GFPT2: variants seen among roughly 807,000 people sequenced by gnomAD.
GFPT2 encodes glutamine--fructose-6-phosphate transaminase 2.
In GFPT2, 62 loss-of-function variants were observed where a neutral mutation model predicts 85.6. The observed-to-expected ratio is 0.72, with a 90% CI of 0.59 to 0.90. The LOEUF (loss-of-function observed/expected upper bound fraction) is 0.90. Among genes scored for constraint, GFPT2 ranks in the 40% least tolerant of loss-of-function variants. The pLI, the probability that GFPT2 is intolerant of heterozygous loss-of-function variation, is 0.00. For synonymous variants in GFPT2, 368 were observed against 344.5 expected (o/e 1.07, Z -0.75); for missense variants, 788 against 893.4 (o/e 0.88, Z 1.50).
At chr5:180,303,690 G>T (rs1444209456) in intron 17 of GFPT2, among the ~76,000 whole-genome samples, 1 of 152,348 alleles carries the variant, frequency 6.6e-6, no homozygotes, top group East Asian at 1.9e-4. Flanking sequence ...GAAACTTCAT[G>T]AACTCTGCCC....
At position 180,330,603 on chromosome 5, in the gene GFPT2, T is replaced by TA. The variant is rs1230771994; in HGVS notation, c.534+96dup. 3.9e-6 allele frequency: 4 copies of TA among 1,035,596 alleles called. No individual in the cohort carries two copies. Among genetic ancestry groups the TA allele is most frequent in the Non-Finnish European group, 4.4e-6 (3 of 683,194 alleles). 64.2% of individuals were successfully genotyped at this position (1,035,596 alleles called of 1,614,324 possible). On this transcript the variant is annotated intron_variant, in intron 6 of 18. Coordinates refer to ENST00000253778, the MANE Select transcript of GFPT2 (RefSeq NM_005110.4). This position sits in a 1 kb window ranked among gnomAD's most constrained non-coding sequence, Gnocchi z 4.4. ...TGCAAGTTTGTCTAACAAGGGCTTA[T>TA]AAAAAATGAAGGATTCCTTGGCACT... is the stretch of plus-strand genomic sequence containing the variant.
At chr5:180,313,095 G>A (rs1763927093) in intron 14 of GFPT2, among the ~76,000 whole-genome samples, 1 of 151,448 alleles carries the variant, frequency 6.6e-6, no homozygotes, top group Non-Finnish European at 1.5e-5. Context: ...ATTTTTGAAG[G>A]GACGGGGTTG....
Position 180,301,482 on chromosome 5 carries a change from C to T in GFPT2, c.*82G>A. The T allele has an allele frequency of 8.5e-7, 1 of 1,182,994 alleles. No homozygotes were observed. Among genetic ancestry groups the T allele is most frequent in the Non-Finnish European group, 1.3e-6 (1 of 787,254 alleles). 73.3% of individuals were successfully genotyped at this position (1,182,994 alleles called of 1,614,324 possible). On this transcript the variant is annotated 3_prime_UTR_variant, in exon 19 of 19. Transcript: ENST00000253778. ...CGCAGAACATGTGGGATGTCCACTTCTCTTCCCATGTAGCATCCCTGCTGT... is the reference window on the plus strand; with the variant it reads ...CGCAGAACATGTGGGATGTCCACTTTTCTTCCCATGTAGCATCCCTGCTGT...
chr5:180,308,989 C>A (rs550795865), intron 15 of GFPT2, among the ~76,000 whole-genome samples: 3 of 152,000 alleles, frequency 2.0e-5, no homozygotes, highest in Non-Finnish European at 4.4e-5. Flanking sequence ...CCTGCCTCAG[C>A]CTCCTGAGTA....
chr5:180,344,554 T>C (rs6866561), intron 1 of GFPT2, among the ~76,000 whole-genome samples: 1 of 152,202 alleles, frequency 6.6e-6, no homozygotes, highest in Admixed American at 6.5e-5. Flanking sequence ...ACCTGCCTGG[T>C]TCACCTGGAT....
rs189934954 is a variant in GFPT2, at chr5:180,342,654, C to T, written c.8-4054G>A. Among the ~76,000 whole-genome samples the T allele has an allele frequency of 4.2e-3, 638 of 152,168 alleles. 2 individuals are homozygous for T. Among genetic ancestry groups the T allele is most frequent in the South Asian group, 0.014 (68 of 4,824 alleles). On this transcript the variant is annotated intron_variant, in intron 1 of 18. Coordinates refer to ENST00000253778, the MANE Select transcript of GFPT2 (RefSeq NM_005110.4). ...CAGTGGCTCACGCCTGTAATCCTAG[C>T]GCTTTGGGAGGCCAAGCTGGACAGA...
intron 9 of GFPT2, among the ~76,000 whole-genome samples, chr5:180,321,779 TTTGTTTTG>T (rs1184425716): frequency 6.6e-6 from 1 of 152,002 alleles, no homozygotes; most frequent in African/African-American, 2.4e-5. Flanking sequence ...TTTGTTTTGT[TTTGTTTTG>T]TTTTGTTTTG....
Position 180,304,848 on chromosome 5 carries a change from G to A in GFPT2, c.1766C>T (p.Pro589Leu), listed in dbSNP as rs766235324. 3 of 1,613,688 alleles carry A rather than the reference G, an allele frequency of 1.9e-6. No individual in the cohort carries two copies. Among genetic ancestry groups the A allele is most frequent in the Non-Finnish European group, 2.5e-6 (3 of 1,179,556 alleles). The stretch of plus-strand genomic sequence containing the variant: ...ATCCTTCATAATGACCATGATGACG[G>A]GCATCTGCTTGTCAATCAGTGCCAG... The part of the protein sequence containing the change: ...GPLALIDKQM[P>L]VIMVIMKDPC... Residue 589 changes from proline (P) to leucine (L), a missense_variant, in exon 17 of 19, where the codon CCC (proline) becomes CTC (leucine). Coordinates refer to ENST00000253778, the MANE Select transcript of GFPT2 (RefSeq NM_005110.4).
chr5:180,353,321 TCCGCG>T lies in GFPT2; in HGVS notation c.-109_-105del. On this transcript the variant is annotated 5_prime_UTR_variant, in exon 1 of 19. Transcript: ENST00000253778. ...CGTGGGCTCCGTGGGCTCCGTGGGC[TCCGCG>T]GGCTCCAGCTCCCGTCCGCTCGGCC... 2.3e-6 allele frequency: 2 copies of T among 867,266 alleles called. No individual in the cohort carries two copies. Among genetic ancestry groups the T allele is most frequent in the Non-Finnish European group, 3.0e-6 (2 of 672,658 alleles). The allele number at this position is 867,266 out of a possible 1,614,324, so 53.7% of individuals were successfully genotyped here. A position where few individuals can be genotyped will look rare whatever the true frequency, so the allele number is the denominator to read the frequency against.
Position 180,321,822 on chromosome 5 carries a change from T to C in GFPT2, c.794+2366A>G, listed in dbSNP as rs59265858. 5.3e-3 allele frequency among the ~76,000 whole-genome samples: 806 copies of C among 152,308 alleles called. 5 individuals are homozygous for C. The highest frequency in any genetic ancestry group is 0.017 in the African/African-American group (707 of 41,566). On this transcript the variant is annotated intron_variant, in intron 9 of 18. Coordinates refer to ENST00000253778, the MANE Select transcript of GFPT2 (RefSeq NM_005110.4). ...GTTTTGAGACGGAGTCTCGCTCTGT[T>C]GCCCAGGCTGGAGTGCAGTGGCGCG...
chr5:180,331,830 C>T lies in GFPT2; in HGVS notation c.341-277G>A, dbSNP rs1351321858. ...AGTGACCAGCAGCCACCAGCCTGACCGTGCAGAGAGCTCTCCCCTGTGCGC... is the reference window on the plus strand; with the variant it reads ...AGTGACCAGCAGCCACCAGCCTGACTGTGCAGAGAGCTCTCCCCTGTGCGC... On this transcript the variant is annotated intron_variant, in intron 4 of 18. Coordinates refer to ENST00000253778, the MANE Select transcript of GFPT2 (RefSeq NM_005110.4). Among the ~76,000 whole-genome samples the T allele has an allele frequency of 7.9e-5, 12 of 152,254 alleles. No homozygotes were observed. In the South Asian group the frequency reaches 1.7e-3, roughly 21 times the overall value.
intron 15 of GFPT2, among the ~76,000 whole-genome samples, chr5:180,310,852 AAAAAAAAAAAAAT>A: frequency 6.6e-6 from 1 of 151,290 alleles, no homozygotes; most frequent in African/African-American, 2.4e-5. Flanking sequence ...AAAAAAAAAA[AAAAAAAAAAAAAT>A]TTTTAGTATA....
In GFPT2 at chr5:180,316,776, G is replaced by T; in HGVS notation, c.1140C>A (p.His380Gln). ...LIVIGCGTSY[H>Q]AAVATRQVLE... ...GTGTCACACTTACAGCCACGGCAGC[G>T]TGGTAGCTGGTTCCACAGCCAATCA... is the stretch of plus-strand genomic sequence containing the variant. Residue 380 changes from histidine (H) to glutamine (Q), a missense_variant, in exon 12 of 19, where the codon CAC becomes CAA. Coordinates refer to ENST00000253778, the MANE Select transcript of GFPT2 (RefSeq NM_005110.4). 1.2e-6 allele frequency: 2 copies of T among 1,612,058 alleles called. No homozygotes were observed. The highest frequency in any genetic ancestry group is 1.7e-6 in the Non-Finnish European group (2 of 1,178,180).
chr5:180,316,948 G>T lies in GFPT2; in HGVS notation c.1054+15C>A, dbSNP rs76838125. ...TAGGCTCGGGCGGAGGCTCCCCACCGAGTGTAGGAATTACCTGTGTTGGTT... is the reference window on the plus strand; with the variant it reads ...TAGGCTCGGGCGGAGGCTCCCCACCTAGTGTAGGAATTACCTGTGTTGGTT... On this transcript the variant is annotated intron_variant, in intron 11 of 18. Transcript: ENST00000253778. 2.5e-6 allele frequency: 4 copies of T among 1,570,022 alleles called. No individual in the cohort carries two copies. The highest frequency in any genetic ancestry group is 3.5e-6 in the Non-Finnish European group (4 of 1,139,870).
rs1763666704 is a variant in GFPT2, at chr5:180,301,232, T to C, written c.*332A>G. 1 of 368,516 alleles carries C rather than the reference T, an allele frequency of 2.7e-6. No individual in the cohort carries two copies. The highest frequency in any genetic ancestry group is 4.9e-6 in the Non-Finnish European group (1 of 205,162). The allele number at this position is 368,516 out of a possible 1,614,324, so 22.8% of individuals were successfully genotyped here. ...TATACAGTCGTCATTATAAATATCT[T>C]GTCTTTTAAAACTAACTCTAGTGTT... On this transcript the variant is annotated 3_prime_UTR_variant, in exon 19 of 19. Coordinates refer to ENST00000253778, the MANE Select transcript of GFPT2 (RefSeq NM_005110.4).
Position 180,304,797 on chromosome 5 carries a change from G to T in GFPT2, c.1817C>A (p.Ala606Asp). ...KDPCFAKCQNALQQVTARQGR... is the reference protein window; with the variant it reads ...KDPCFAKCQNDLQQVTARQGR... ...CTGGCGGGCCGTGACTTGCTGCAGG[G>T]CGTTCTGGCATTTGGCGAAGCAAGG... The change falls in exon 17 of 19, where the codon GCC becomes GAC. Residue 606 changes from alanine (A) to aspartate (D), a missense_variant. Ala to Asp is a moderately radical substitution (Grantham distance 126). Transcript: ENST00000253778. 2 of 1,613,804 alleles carry T rather than the reference G, an allele frequency of 1.2e-6. No individual in the cohort carries two copies. The highest frequency in any genetic ancestry group is 2.2e-5 in the South Asian group (2 of 91,072).
chr5:180,336,535 T>A lies in GFPT2; in HGVS notation c.158A>T (p.His53Leu). 5.6e-6 allele frequency: 9 copies of A among 1,612,244 alleles called. No homozygotes were observed. The highest frequency in any genetic ancestry group is 7.6e-6 in the Non-Finnish European group (9 of 1,178,248). The change falls in exon 3 of 19, where the codon CAC becomes CTC. Residue 53 changes from histidine to leucine, a missense_variant. Physicochemically the swap from His to Leu is moderately conservative, Grantham distance 99. Transcript: ENST00000253778. ...DGNNHEVKER[H>L]IQLVKKRGKV... ...CCCCCTTTTCTTGACCAGCTGAATG[T>A]GTCTTTCTTTGACTTCGTGATTATT...
At position 180,312,495 on chromosome 5, in the gene GFPT2, G is replaced by A; in HGVS notation, c.1481C>T (p.Ser494Phe). 1 of 1,611,988 alleles carries A rather than the reference G, an allele frequency of 6.2e-7. No individual in the cohort carries two copies. Among genetic ancestry groups the A allele is most frequent in the Non-Finnish European group, 8.5e-7 (1 of 1,178,036 alleles). Residue 494 changes from serine to phenylalanine, a missense_variant, in exon 15 of 19, where the codon TCT becomes TTT. Transcript: ENST00000253778. Reference sequence around the variant, plus strand: ...GTTTTGTAGTGAAATTCGGTCTTCAGACATCATCAAACCAAACATCACCAG... The same window carrying A: ...GTTTTGTAGTGAAATTCGGTCTTCAAACATCATCAAACCAAACATCACCAG... ...ISLVMFGLMM[S>F]EDRISLQNRR...
In GFPT2 at chr5:180,316,773, A is replaced by T. The variant is rs2127649985; in HGVS notation, c.1143T>A (p.Ala381=). The change falls in exon 12 of 19, where the codon GCT becomes GCA. Residue 381 remains alanine (A), a synonymous_variant. Transcript: ENST00000253778. Reference sequence around the variant, plus strand: ...CATGTGTCACACTTACAGCCACGGCAGCGTGGTAGCTGGTTCCACAGCCAA... The same window carrying T: ...CATGTGTCACACTTACAGCCACGGCTGCGTGGTAGCTGGTTCCACAGCCAA... ...IVIGCGTSYH[A]AVATRQVLEE... 5 of 1,611,128 alleles carry T rather than the reference A, an allele frequency of 3.1e-6. No homozygotes were observed. The East Asian group carries it at 1.1e-4, about 36-fold the overall frequency.
Sources: allele counts gnomAD v4.1 joint callset (sites outside exome capture counted in the v4.1 genomes callset), GRCh38; gene constraint gnomAD v4.1.1; non-coding constraint Gnocchi (gnomAD v3.1); transcripts MANE v1.5; gene names NCBI Gene and HGNC (gene_info 2026-07-23, HGNC 2026-07-21).